ABTB3: variants seen among roughly 807,000 people sequenced by gnomAD.
ABTB3 encodes the protein ankyrin repeat and BTB domain containing 3, also known as ankyrin repeat- and BTB/POZ domain-containing protein 3.
At chr12:107,470,112 C>T in the ABTB3 span, among the ~76,000 whole-genome samples, 4 of 151,346 alleles carry the variant, frequency 2.6e-5, no homozygotes, top group East Asian at 7.8e-4. Context: ...AATCTCGGCT[C>T]ACTGCAACCT....
chr12:107,458,474 G>A, the ABTB3 span, among the ~76,000 whole-genome samples: 3 of 152,296 alleles, frequency 2.0e-5, no homozygotes, highest in Middle Eastern at 3.4e-3. Context: ...CAGAATCTAG[G>A]GGGATAGGCC....
the ABTB3 span, among the ~76,000 whole-genome samples, chr12:107,499,829 G>A: frequency 6.6e-6 from 1 of 151,984 alleles, no homozygotes; most frequent in Non-Finnish European, 1.5e-5. Flanking sequence ...GGGACTACGG[G>A]CACGCACCAC....
the ABTB3 span, among the ~76,000 whole-genome samples, chr12:107,632,042 A>G: frequency 6.6e-6 from 1 of 152,208 alleles, no homozygotes; most frequent in Non-Finnish European, 1.5e-5. Context: ...GCCAGCCCTT[A>G]TATTTACATT....
At chr12:107,582,299 TA>T in the ABTB3 span, among the ~76,000 whole-genome samples, 5 of 152,160 alleles carry the variant, frequency 3.3e-5, no homozygotes, top group Non-Finnish European at 7.3e-5. Context: ...CCAAACAGTG[TA>T]AAGTAGGTAC....
At chr12:107,471,691 C>T in the ABTB3 span, among the ~76,000 whole-genome samples, 1 of 152,256 alleles carries the variant, frequency 6.6e-6, no homozygotes, top group South Asian at 2.1e-4. Flanking sequence ...AGCAGCTTCC[C>T]CTCCATGACC....
chr12:107,458,355 G>A, the ABTB3 span, among the ~76,000 whole-genome samples: 1 of 152,202 alleles, frequency 6.6e-6, no homozygotes, highest in African/African-American at 2.4e-5. Context: ...GGCAGACCTG[G>A]GATTGGAGCC....
the ABTB3 span, among the ~76,000 whole-genome samples, chr12:107,394,380 G>A: frequency 2.0e-5 from 3 of 152,170 alleles, no homozygotes; most frequent in African/African-American, 7.2e-5. Flanking sequence ...CTAGTGAAAG[G>A]TACTGTCATT....
chr12:107,402,486 C>T, the ABTB3 span, among the ~76,000 whole-genome samples: 1 of 152,130 alleles, frequency 6.6e-6, no homozygotes, highest in Non-Finnish European at 1.5e-5. Flanking sequence ...TAATGGAGGG[C>T]CCTTGGGATA....
chr12:107,527,866 G>A, the ABTB3 span, among the ~76,000 whole-genome samples: 73,745 of 151,956 alleles, frequency 0.49, 18,487 homozygotes, highest in African/African-American at 0.6. Flanking sequence ...GACGAGTTAA[G>A]CAGCAGTTTA....
chr12:107,529,079 G>A, the ABTB3 span, among the ~76,000 whole-genome samples: 1 of 149,796 alleles, frequency 6.7e-6, no homozygotes, highest in South Asian at 2.1e-4. Context: ...ATGTAATGGA[G>A]GTGGTGGTGA....
At chr12:107,319,029 G>A in the ABTB3 span, 2 of 1,613,634 alleles carry the variant, frequency 1.2e-6, no homozygotes, top group Non-Finnish European at 8.5e-7. Flanking sequence ...GACTCGGTGC[G>A]CTCCTCCAAC....
At chr12:107,356,319 C>T in the ABTB3 span, among the ~76,000 whole-genome samples, 4 of 152,144 alleles carry the variant, frequency 2.6e-5, no homozygotes, top group Admixed American at 6.5e-5. Context: ...ACAGAATGAA[C>T]GGAGTTATCA....
At chr12:107,651,524 G>A in the ABTB3 span, 1 of 574,340 alleles carries the variant, frequency 1.7e-6, no homozygotes, top group Non-Finnish European at 3.2e-6. Context: ...TTTTCCTCTA[G>A]TGTTACCTTT....
At chr12:107,556,001 T>A in the ABTB3 span, among the ~76,000 whole-genome samples, 3 of 152,152 alleles carry the variant, frequency 2.0e-5, no homozygotes, top group Non-Finnish European at 2.9e-5. Flanking sequence ...CATCACCATC[T>A]CATTTTGCCA....
At chr12:107,574,812 T>C in the ABTB3 span, among the ~76,000 whole-genome samples, 1 of 152,176 alleles carries the variant, frequency 6.6e-6, no homozygotes, top group Non-Finnish European at 1.5e-5. Context: ...TCCCAGGTGA[T>C]TCAAAGGCAC....
chr12:107,543,671 G>A, the ABTB3 span, among the ~76,000 whole-genome samples: 2 of 152,080 alleles, frequency 1.3e-5, no homozygotes, highest in Non-Finnish European at 2.9e-5. Flanking sequence ...AGCCTTGTTA[G>A]AAACATTGGG....
the ABTB3 span, among the ~76,000 whole-genome samples, chr12:107,484,877 C>A: frequency 2.0e-5 from 3 of 151,998 alleles, no homozygotes; most frequent in Non-Finnish European, 4.4e-5. Context: ...TGGCCTGAGC[C>A]CTGGAAGGAA....
the ABTB3 span, among the ~76,000 whole-genome samples, chr12:107,416,154 G>A: frequency 1.2e-4 from 19 of 152,268 alleles, no homozygotes; most frequent in East Asian, 2.9e-3. Context: ...GTGTCATGAC[G>A]GAGCCCAGAA....
the ABTB3 span, among the ~76,000 whole-genome samples, chr12:107,603,203 G>A: frequency 2.0e-5 from 3 of 152,180 alleles, no homozygotes; most frequent in African/African-American, 4.8e-5. Context: ...AGACTGTATG[G>A]GGCTCTCAGC....
Sources: gnomAD v4.1 joint callset for allele counts (sites outside exome capture counted in the v4.1 genomes callset) on GRCh38, gnomAD v4.1.1 for gene constraint, MANE v1.5 for transcripts, NCBI Gene and HGNC (gene_info 2026-07-23, HGNC 2026-07-21) for gene names.